The following PANX1 variants were observed in gnomAD, a reference collection of about 807,000 sequenced individuals.
The protein encoded by PANX1 is pannexin-1.
In PANX1, 30 loss-of-function variants were observed where a neutral mutation model predicts 38.7. The observed-to-expected ratio is 0.78, with a 90% CI of 0.58 to 1.05. The LOEUF is 1.05. Among genes scored for constraint, PANX1 ranks in the 50% least tolerant of loss-of-function variants. The pLI is 0.00. For synonymous variants in PANX1, 230 were observed against 212.2 expected (o/e 1.08, Z -0.73); for missense variants, 551 against 517.2 (o/e 1.07, Z -0.63).
chr11:94,134,118 CTTT>C (rs1160684733), intron 1 of PANX1, among the ~76,000 whole-genome samples: 3 of 152,136 alleles, frequency 2.0e-5, no homozygotes, highest in African/African-American at 7.2e-5. Context: ...GCCTCAGATT[CTTT>C]TTTATGTTAT....
chr11:94,131,517 C>T (rs975850014), intron 1 of PANX1, among the ~76,000 whole-genome samples: 3 of 152,190 alleles, frequency 2.0e-5, no homozygotes, highest in Non-Finnish European at 4.4e-5. Flanking sequence ...GCAGGTAAGT[C>T]ATTCAGCTGT....
intron 4 of PANX1, among the ~76,000 whole-genome samples, chr11:94,180,492 T>C (rs1947293104): frequency 6.6e-6 from 1 of 152,218 alleles, no homozygotes; most frequent in African/African-American, 2.4e-5. Context: ...GTGCTTTTTC[T>C]GGTTTTTCCC....
chr11:94,146,840 T>C (rs1335734466), intron 1 of PANX1, among the ~76,000 whole-genome samples: 1 of 152,224 alleles, frequency 6.6e-6, no homozygotes, highest in Non-Finnish European at 1.5e-5. Flanking sequence ...AAACAGTTGC[T>C]ATAAAGGCTC....
intron 1 of PANX1, among the ~76,000 whole-genome samples, chr11:94,137,977 C>T (rs1417820823): frequency 6.6e-6 from 1 of 150,446 alleles, no homozygotes; most frequent in Admixed American, 6.6e-5. Context: ...CAAAATTTAA[C>T]TGTTTCACAA....
chr11:94,165,625 A>G (rs182383236), intron 2 of PANX1, among the ~76,000 whole-genome samples: 1 of 152,318 alleles, frequency 6.6e-6, no homozygotes, highest in Admixed American at 6.5e-5. Flanking sequence ...ATAATTGGTT[A>G]TGTGGCCGGG....
At chr11:94,161,988 A>G (rs1269707207) in intron 2 of PANX1, among the ~76,000 whole-genome samples, 2 of 152,228 alleles carry the variant, frequency 1.3e-5, no homozygotes, top group Non-Finnish European at 2.9e-5. Context: ...GGTCCACTCC[A>G]GACCCTGTTT....
chr11:94,172,540 G>A (rs1443153357), intron 2 of PANX1, among the ~76,000 whole-genome samples: 2 of 151,776 alleles, frequency 1.3e-5, no homozygotes, highest in African/African-American at 2.4e-5. Context: ...ACCTGTTTTT[G>A]TAAATAAAAT....
intron 1 of PANX1, among the ~76,000 whole-genome samples, chr11:94,149,958 G>A (rs1331460718): frequency 6.6e-6 from 1 of 152,196 alleles, no homozygotes; most frequent in African/African-American, 2.4e-5. Context: ...TAGTACTAGA[G>A]GAGATAAGAC....
intron 2 of PANX1, among the ~76,000 whole-genome samples, chr11:94,177,900 GT>G (rs1319762184): frequency 6.6e-6 from 1 of 151,864 alleles, no homozygotes; most frequent in Non-Finnish European, 1.5e-5. Flanking sequence ...TTTCTAATTT[GT>G]TTTGGGGGAA....
chr11:94,138,166 A>G (rs1946723256), intron 1 of PANX1, among the ~76,000 whole-genome samples: 1 of 152,130 alleles, frequency 6.6e-6, no homozygotes, highest in South Asian at 2.1e-4. Flanking sequence ...CCCAATGGAT[A>G]CTTCTCCCCG....
chr11:94,173,466 A>G lies in PANX1; in HGVS notation c.322-4903A>G, dbSNP rs72972526. ...CATGTTCAAAATTTCTCATCTTCTC[A>G]GGTCTGCCTCCCACCTCACTCCCGT... is the stretch of plus-strand genomic sequence containing the variant. On this transcript the variant is annotated intron_variant, in intron 2 of 4. Coordinates refer to ENST00000227638, the MANE Select transcript of PANX1 (RefSeq NM_015368.4). 2.7e-3 allele frequency among the ~76,000 whole-genome samples: 416 copies of G among 151,578 alleles called. 3 individuals carry two copies. The highest frequency in any genetic ancestry group is 0.025 in the South Asian group (121 of 4,814).
intron 1 of PANX1, among the ~76,000 whole-genome samples, chr11:94,143,884 G>A (rs974498547): frequency 6.6e-6 from 1 of 152,012 alleles, no homozygotes; most frequent in Admixed American, 6.5e-5. Flanking sequence ...ATGTAGGTGG[G>A]ACCACAGGCG....
At chr11:94,137,926 A>AT (rs554187012) in intron 1 of PANX1, among the ~76,000 whole-genome samples, 95 of 99,328 alleles carry the variant, frequency 9.6e-4, no homozygotes, top group South Asian at 4.7e-3. Context: ...GTTGTACATG[A>AT]TTTTTTTTGT....
rs750676655 is a variant in PANX1, at chr11:94,153,533, G to A, written c.224G>A (p.Arg75His). The change falls in exon 2 of 5, where the codon CGT (arginine) becomes CAT (histidine). Residue 75 changes from arginine to histidine, a missense_variant. Transcript: ENST00000227638. ...TTCTCTCCAAGTTCTTTCTCCTGGC[G>A]TCAGGCTGCCTTTGTGGATTCATAT... ...SCFSPSSFSW[R>H]QAAFVDSYCW... 3 of 1,614,106 alleles carry A rather than the reference G, an allele frequency of 1.9e-6. No individual in the cohort carries two copies. The highest frequency in any genetic ancestry group is 1.3e-5 in the African/African-American group (1 of 75,048).
chr11:94,143,434 C>G (rs1168477729), intron 1 of PANX1, among the ~76,000 whole-genome samples: 1 of 152,178 alleles, frequency 6.6e-6, no homozygotes, highest in Admixed American at 6.5e-5. Flanking sequence ...ATTCTTCTAT[C>G]TCCAGTGCTT....
chr11:94,156,959 G>C (rs1946956546), intron 2 of PANX1, among the ~76,000 whole-genome samples: 2 of 150,416 alleles, frequency 1.3e-5, no homozygotes, highest in South Asian at 4.2e-4. Flanking sequence ...TCCCAACTAT[G>C]AGCAAGAACA....
At position 94,179,578 on chromosome 11, in the gene PANX1, A is replaced by G. The variant is rs773056820; in HGVS notation, c.546-24A>G. The stretch of plus-strand genomic sequence containing the variant: ...GATGGTCTTGATGAGTGCCTAAGTT[A>G]TTTTTGTTTCCTTTATTTTTTAGTT... On this transcript the variant is annotated intron_variant, in intron 3 of 4. Transcript: ENST00000227638. 4 of 1,586,442 alleles carry G rather than the reference A, an allele frequency of 2.5e-6. No individual in the cohort carries two copies. In the South Asian group the frequency reaches 4.5e-5, roughly 18 times the overall value.
chr11:94,159,707 T>G (rs1417524082), intron 2 of PANX1, among the ~76,000 whole-genome samples: 1 of 151,964 alleles, frequency 6.6e-6, no homozygotes, highest in Non-Finnish European at 1.5e-5. Flanking sequence ...TTTGAAGGGT[T>G]TTTTTGTGTC....
chr11:94,146,490 G>A (rs376993831), intron 1 of PANX1, among the ~76,000 whole-genome samples: 3 of 152,192 alleles, frequency 2.0e-5, no homozygotes, highest in South Asian at 2.1e-4. Context: ...CACTTTTACG[G>A]CAGAAGAGAC....
Sources: gnomAD v4.1 joint callset for allele counts (sites outside exome capture counted in the v4.1 genomes callset) on GRCh38, gnomAD v4.1.1 for gene constraint, MANE v1.5 for transcripts, NCBI Gene and HGNC (gene_info 2026-07-23, HGNC 2026-07-21) for gene names.